CALD1: variants seen among roughly 807,000 people sequenced by gnomAD.
CALD1 encodes caldesmon 1, also known as caldesmon.
A neutral mutation model predicts 99.9 loss-of-function variants in CALD1; 33 were observed. That is an observed-to-expected ratio of 0.33 (90% CI 0.25 to 0.44). CALD1 has a LOEUF of 0.44. CALD1 is among the 20% of genes least tolerant of loss of function. The probability of loss-of-function intolerance (pLI) is 1.00; values close to 1 mark genes in which losing one functional copy is unlikely to be tolerated. For synonymous variants in CALD1, 310 were observed against 325.0 expected, an observed-to-expected ratio of 0.95 and a Z score of 0.50; for missense variants, 861 against 962.1, an observed-to-expected ratio of 0.89 and a Z score of 1.39.
chr7:134,964,367 A>T (rs1808509914), intron 13 of CALD1, among the ~76,000 whole-genome samples: 1 of 152,180 alleles, frequency 6.6e-6, no homozygotes, highest in South Asian at 2.1e-4. Flanking sequence ...AAGTCCCCAC[A>T]TGGACTGTTA....
At chr7:134,767,279 G>A (rs895945807) in intron 1 of CALD1, among the ~76,000 whole-genome samples, 3 of 151,416 alleles carry the variant, frequency 2.0e-5, no homozygotes, top group Admixed American at 6.6e-5. Context: ...GTGGTTAGAC[G>A]CATCTATATC....
At chr7:134,858,788 T>G (rs1247836101) in intron 2 of CALD1, among the ~76,000 whole-genome samples, 1 of 152,106 alleles carries the variant, frequency 6.6e-6, no homozygotes, top group East Asian at 1.9e-4. Flanking sequence ...CAGGATGGTC[T>G]CAATCCCCTG....
intron 3 of CALD1, among the ~76,000 whole-genome samples, chr7:134,904,563 TTAAAA>T (rs1803234260): frequency 6.6e-6 from 1 of 151,912 alleles, no homozygotes; most frequent in Non-Finnish European, 1.5e-5. Context: ...AGATGGTGTC[TTAAAA>T]TAAAAATAAT....
chr7:134,888,530 G>A (rs568805993), intron 3 of CALD1, among the ~76,000 whole-genome samples: 1 of 152,280 alleles, frequency 6.6e-6, no homozygotes, highest in Admixed American at 6.5e-5. Context: ...GGTCTCAGAG[G>A]ACTCTTGGAA....
At chr7:134,884,847 T>G (rs576845790) in intron 3 of CALD1, among the ~76,000 whole-genome samples, 17 of 152,350 alleles carry the variant, frequency 1.1e-4, no homozygotes, top group African/African-American at 4.1e-4. Context: ...AATGTTACAC[T>G]GTAACTTATT....
At chr7:134,942,972 C>A (rs1335034597) in intron 7 of CALD1, among the ~76,000 whole-genome samples, 1 of 152,062 alleles carries the variant, frequency 6.6e-6, no homozygotes, top group African/African-American at 2.4e-5. Context: ...AGAACACTTA[C>A]GTGTGACTCT....
intron 1 of CALD1, among the ~76,000 whole-genome samples, chr7:134,749,789 G>C (rs1338715337): frequency 6.6e-6 from 1 of 152,140 alleles, no homozygotes; most frequent in African/African-American, 2.4e-5. Context: ...ACAGCAGTAA[G>C]GTTCAGTGAT....
intron 8 of CALD1, 118 bp from the exon 9 acceptor site, chr7:134,950,256 T>A: frequency 1.2e-6 from 1 of 858,088 alleles, no homozygotes; most frequent in South Asian, 2.0e-5. Flanking sequence ...AGAAGGGGAG[T>A]GTCCAGCCTG....
intron 2 of CALD1, among the ~76,000 whole-genome samples, chr7:134,852,550 C>G (rs1395692012): frequency 6.6e-6 from 1 of 152,104 alleles, no homozygotes. Flanking sequence ...ACATTTATTC[C>G]CCAAAACAAG....
At chr7:134,754,364 C>A (rs1331480938) in intron 1 of CALD1, among the ~76,000 whole-genome samples, 1 of 152,198 alleles carries the variant, frequency 6.6e-6, no homozygotes, top group African/African-American at 2.4e-5. Flanking sequence ...TTAAAAAATT[C>A]TGTATCATGT....
the CALD1 span, among the ~76,000 whole-genome samples, chr7:134,728,708 A>G: frequency 1.3e-5 from 2 of 152,208 alleles, no homozygotes; most frequent in South Asian, 4.1e-4. Context: ...CAACAGCTGC[A>G]TTTGGGATGG....
chr7:134,837,403 C>T (rs1391257038), intron 1 of CALD1, among the ~76,000 whole-genome samples: 1 of 151,896 alleles, frequency 6.6e-6, no homozygotes, highest in Non-Finnish European at 1.5e-5. Context: ...AGTGCAATGG[C>T]ATGATCTCGG....
At chr7:134,935,249 C>A (rs1805870593) in intron 5 of CALD1, among the ~76,000 whole-genome samples, 1 of 152,038 alleles carries the variant, frequency 6.6e-6, no homozygotes, top group South Asian at 2.1e-4. Context: ...ACCACCACAC[C>A]ACCACCACCA....
chr7:134,792,086 A>ATG (rs1160508827), intron 1 of CALD1, among the ~76,000 whole-genome samples: 1 of 152,206 alleles, frequency 6.6e-6, no homozygotes, highest in African/African-American at 2.4e-5. Context: ...ACCATATCTG[A>ATG]TGCCACAACA....
chr7:134,876,507 A>G (rs572574186), intron 3 of CALD1, among the ~76,000 whole-genome samples: 96 of 152,354 alleles, frequency 6.3e-4, no homozygotes, highest in African/African-American at 2.2e-3. Flanking sequence ...AATAAAGGAG[A>G]TTCGGTCAGA....
chr7:134,908,845 AC>A (rs1406820763), intron 3 of CALD1, among the ~76,000 whole-genome samples: 3 of 152,170 alleles, frequency 2.0e-5, no homozygotes, highest in South Asian at 2.1e-4. Flanking sequence ...AACAAGTTAG[AC>A]AGGTTTCCTC....
chr7:134,760,493 A>G (rs1398693465), intron 1 of CALD1, among the ~76,000 whole-genome samples: 1 of 152,242 alleles, frequency 6.6e-6, no homozygotes, highest in African/African-American at 2.4e-5. Flanking sequence ...ATTTTATATC[A>G]TAACTTGCAC....
intron 9 of CALD1, among the ~76,000 whole-genome samples, chr7:134,954,078 T>C (rs1006506031): frequency 1.3e-5 from 2 of 152,226 alleles, no homozygotes; most frequent in Non-Finnish European, 2.9e-5. Flanking sequence ...CAAGTTAGCA[T>C]TGTAGAATAC....
At chr7:134,861,299 TA>T (rs1050858640) in intron 2 of CALD1, among the ~76,000 whole-genome samples, 24 of 152,130 alleles carry the variant, frequency 1.6e-4, no homozygotes, top group Non-Finnish European at 3.5e-4. Context: ...GGAAAACAGT[TA>T]AAGGGTCAAG....
Sources: allele counts gnomAD v4.1 joint callset (sites outside exome capture counted in the v4.1 genomes callset), GRCh38; gene constraint gnomAD v4.1.1; transcripts MANE v1.5; gene names NCBI Gene and HGNC (gene_info 2026-07-23, HGNC 2026-07-21).